Variants in TUBGCP4 observed in about 807,000 individuals in gnomAD.
TUBGCP4 encodes the protein tubulin gamma complex component 4, also known as gamma-tubulin complex component 4.
A neutral mutation model predicts 91.6 loss-of-function variants in TUBGCP4; 54 were observed. That is an observed-to-expected ratio of 0.59 (90% CI 0.47 to 0.74). The LOEUF (loss-of-function observed/expected upper bound fraction) is 0.74. Among genes scored for constraint, TUBGCP4 ranks in the 30% least tolerant of loss-of-function variants. The probability of loss-of-function intolerance (pLI) is 0.00; values close to 1 mark genes in which losing one functional copy is unlikely to be tolerated. For synonymous variants in TUBGCP4, 297 were observed against 302.8 expected (o/e 0.98, Z 0.20); for missense variants, 593 against 800.9 (o/e 0.74, Z 3.13).
intron 1 of TUBGCP4, among the ~76,000 whole-genome samples, chr15:43,375,133 C>A (rs1425825462): frequency 6.6e-6 from 1 of 152,240 alleles, no homozygotes; most frequent in Non-Finnish European, 1.5e-5. Context: ...GAACTCCTGA[C>A]CTCAGGTGAT....
chr15:43,377,623 AAAAAAG>A (rs2044226526), intron 4 of TUBGCP4: 4 of 473,764 alleles, frequency 8.4e-6, no homozygotes, highest in East Asian at 4.3e-5. Flanking sequence ...AAAAAAAAAA[AAAAAAG>A]AAAAAAGAAA....
intron 11 of TUBGCP4, 59 bp downstream of exon 11, chr15:43,395,747 C>A: frequency 1.4e-6 from 2 of 1,425,618 alleles, no homozygotes; most frequent in Non-Finnish European, 2.0e-6. Context: ...TATTTCTTGG[C>A]TGCTGCTGAC....
chr15:43,400,545 A>G (rs1177089569), intron 14 of TUBGCP4, among the ~76,000 whole-genome samples: 2 of 152,112 alleles, frequency 1.3e-5, no homozygotes, highest in Non-Finnish European at 2.9e-5. Context: ...CTACAGATAC[A>G]TGCCACCACA....
chr15:43,381,806 T>A (rs1447128170), intron 6 of TUBGCP4, among the ~76,000 whole-genome samples: 1 of 152,142 alleles, frequency 6.6e-6, no homozygotes, highest in Non-Finnish European at 1.5e-5. Flanking sequence ...ATTTGCCACG[T>A]TTGATTTCTC....
intron 14 of TUBGCP4, 112 bp downstream of exon 14, chr15:43,400,333 G>T (rs2044652308): frequency 9.7e-6 from 8 of 828,144 alleles, no homozygotes; most frequent in Admixed American, 5.3e-5. Flanking sequence ...GGTGGGGTTT[G>T]GGAAAATTCA....
At chr15:43,397,884 G>T (rs917076161) in intron 12 of TUBGCP4, among the ~76,000 whole-genome samples, 157 bp from the exon 13 acceptor site, 1 of 152,156 alleles carries the variant, frequency 6.6e-6, no homozygotes, top group African/African-American at 2.4e-5. Flanking sequence ...GCTAATTTAT[G>T]TATTTTTAGT....
chr15:43,400,346 A>AT (rs2044652741), intron 14 of TUBGCP4, 125 bp downstream of exon 14: 4 of 635,626 alleles, frequency 6.3e-6, no homozygotes, highest in Admixed American at 2.9e-5. Flanking sequence ...AAAATTCAGG[A>AT]GTTATATCAC....
In TUBGCP4 at chr15:43,407,370, A is replaced by G; in HGVS notation, c.*2156A>G. ...ACGATAGCAGGGAATAAAACCAGTAAGACCAAGTATCTTTAGTGAGAAACA... is the reference window on the plus strand; with the variant it reads ...ACGATAGCAGGGAATAAAACCAGTAGGACCAAGTATCTTTAGTGAGAAACA... On this transcript the variant is annotated 3_prime_UTR_variant, in exon 18 of 18. Coordinates refer to ENST00000564079, the MANE Select transcript of TUBGCP4 (RefSeq NM_014444.5). The G allele has an allele frequency of 1.9e-6, 3 of 1,612,700 alleles. No individual in the cohort carries two copies. Among genetic ancestry groups the G allele is most frequent in the Non-Finnish European group, 2.5e-6 (3 of 1,178,782 alleles).
intron 1 of TUBGCP4, among the ~76,000 whole-genome samples, chr15:43,371,714 T>A (rs1180064795): frequency 6.6e-6 from 1 of 152,114 alleles, no homozygotes; most frequent in Non-Finnish European, 1.5e-5. Flanking sequence ...TGCTGGGGAA[T>A]GATATAGAAG....
chr15:43,396,648 A>G (rs2044584551), intron 11 of TUBGCP4, among the ~76,000 whole-genome samples: 1 of 152,204 alleles, frequency 6.6e-6, no homozygotes, highest in Non-Finnish European at 1.5e-5. Context: ...AAAAGCTCAG[A>G]CGTATGATGG....
intron 1 of TUBGCP4, among the ~76,000 whole-genome samples, chr15:43,373,645 CTTT>C (rs767035742): frequency 1.5e-5 from 2 of 129,654 alleles, no homozygotes; most frequent in Admixed American, 7.8e-5. Context: ...AGACCAGGTT[CTTT>C]TTTTTTTTTT....
In TUBGCP4 at chr15:43,408,927, T is replaced by A. The variant is rs1172680861; in HGVS notation, c.*3713T>A. ...CAGAATTCTTTGCTCCTCAAGGCTGTACCCAGCTGGCAACAGATAATTACG... is the reference window on the plus strand; with the variant it reads ...CAGAATTCTTTGCTCCTCAAGGCTGAACCCAGCTGGCAACAGATAATTACG... On this transcript the variant is annotated 3_prime_UTR_variant, in exon 18 of 18. Coordinates refer to ENST00000564079, the MANE Select transcript of TUBGCP4 (RefSeq NM_014444.5). The A allele has an allele frequency of 1.9e-6, 3 of 1,614,220 alleles. No homozygotes were observed. The highest frequency in any genetic ancestry group is 1.7e-5 in the Admixed American group (1 of 60,026).
chr15:43,377,680 C>T (rs2044229361), intron 4 of TUBGCP4, 167 bp from the exon 5 acceptor site: 2 of 574,566 alleles, frequency 3.5e-6, no homozygotes, highest in Admixed American at 3.7e-5. Flanking sequence ...TTCCTATCTG[C>T]AGCGAACCTC....
At chr15:43,379,618 G>A (rs925887179) in intron 5 of TUBGCP4, among the ~76,000 whole-genome samples, 1 of 149,152 alleles carries the variant, frequency 6.7e-6, no homozygotes, top group Non-Finnish European at 1.5e-5. Flanking sequence ...TCCAGCGTGG[G>A]CGACAGAGCA....
Position 43,409,575 on chromosome 15 carries a change from G to A in TUBGCP4, c.*4361G>A. 1.2e-6 allele frequency: 1 copy of A among 804,874 alleles called. No individual in the cohort carries two copies. Among genetic ancestry groups the A allele is most frequent in the East Asian group, 2.8e-5 (1 of 36,048 alleles). 49.9% of individuals were successfully genotyped at this position (804,874 alleles called of 1,614,324 possible). ...TATCCAGGTTCCCCAACCCCTCCCA[G>A]GCCTCTTCTCAACACAGCAAGTTGG... On this transcript the variant is annotated 3_prime_UTR_variant, in exon 18 of 18. Transcript: ENST00000564079.
At chr15:43,383,273 T>TTAA in intron 6 of TUBGCP4, 30 bp from the exon 7 acceptor site, 1 of 1,597,848 alleles carries the variant, frequency 6.3e-7, no homozygotes, top group Non-Finnish European at 8.5e-7. Flanking sequence ...AAGCATGACT[T>TTAA]CTGAGCCTCT....
intron 1 of TUBGCP4, among the ~76,000 whole-genome samples, chr15:43,375,652 A>T (rs1386301525): frequency 1.3e-5 from 2 of 152,200 alleles, no homozygotes; most frequent in Non-Finnish European, 2.9e-5. Context: ...AAAACAATGA[A>T]AACTTCTATA....
At chr15:43,386,683 C>G (rs887139790) in intron 9 of TUBGCP4, among the ~76,000 whole-genome samples, 37 of 143,376 alleles carry the variant, frequency 2.6e-4, no homozygotes, top group African/African-American at 9.7e-4. Flanking sequence ...CGAGATCACA[C>G]CATTGCACTC....
At chr15:43,373,370 G>A (rs1367259001) in intron 1 of TUBGCP4, among the ~76,000 whole-genome samples, 1 of 152,092 alleles carries the variant, frequency 6.6e-6, no homozygotes, top group Non-Finnish European at 1.5e-5. Context: ...AACAAGAAAC[G>A]CTCAAATGCC....
Sources: allele counts gnomAD v4.1 joint callset (sites outside exome capture counted in the v4.1 genomes callset), GRCh38; gene constraint gnomAD v4.1.1; transcripts MANE v1.5; gene names NCBI Gene and HGNC (gene_info 2026-07-23, HGNC 2026-07-21).